Variants in GRM8 observed in about 807,000 individuals in gnomAD.
The protein encoded by GRM8 is metabotropic glutamate receptor 8.
GRM8 carries 47 observed loss-of-function variants against 87.2 expected under a neutral mutation model. The ratio of observed to expected loss-of-function variants is 0.54; its 90% CI spans 0.43 to 0.69. The LOEUF (loss-of-function observed/expected upper bound fraction) is 0.69. Among genes scored for constraint, GRM8 ranks in the 30% least tolerant of loss-of-function variants. The pLI, the probability that GRM8 is intolerant of heterozygous loss-of-function variation, is 0.00. For missense variants in GRM8, 1,019 were observed against 1,139.2 expected, an observed-to-expected ratio of 0.89 and a Z score of 1.52; for synonymous variants, 396 against 404.5, an observed-to-expected ratio of 0.98 and a Z score of 0.25.
At chr7:126,607,996 C>A (rs953257354) in intron 8 of GRM8, among the ~76,000 whole-genome samples, 2 of 151,914 alleles carry the variant, frequency 1.3e-5, no homozygotes, top group Non-Finnish European at 2.9e-5. Context: ...GAACTCTAAA[C>A]CTCGACTGAG....
intron 6 of GRM8, among the ~76,000 whole-genome samples, chr7:126,823,526 T>A (rs1450689017): frequency 6.6e-6 from 1 of 152,226 alleles, no homozygotes; most frequent in African/African-American, 2.4e-5. Flanking sequence ...AAGATAAATA[T>A]AATAGGGGCC....
intron 8 of GRM8, among the ~76,000 whole-genome samples, chr7:126,540,111 A>G (rs1399982644): frequency 5.3e-5 from 8 of 152,148 alleles, no homozygotes; most frequent in African/African-American, 1.9e-4. Context: ...TTCAACAGTT[A>G]AAAGACCAAT....
chr7:126,843,263 G>C (rs1259586642), intron 6 of GRM8, among the ~76,000 whole-genome samples: 1 of 151,966 alleles, frequency 6.6e-6, no homozygotes, highest in African/African-American at 2.4e-5. Flanking sequence ...CATGGTAGAA[G>C]CTCAATAAGG....
rs374316613 is a variant in GRM8 at position 127,243,126 on chromosome 7, T to C, written c.79A>G (p.Met27Val). 24 of 1,613,798 alleles carry C rather than the reference T, an allele frequency of 1.5e-5. No homozygotes were observed. In the African/African-American group the frequency reaches 2.1e-4, roughly 14 times the overall value. Reference sequence around the variant, plus strand: ...TCCTGGCTGTGAGTTCTTTGCATCATTGTGAGGATCCAGTAGAACTTGGCG... The same window carrying C: ...TCCTGGCTGTGAGTTCTTTGCATCACTGTGAGGATCCAGTAGAACTTGGCG... ...LTAKFYWILT[M>V]MQRTHSQEYA... Residue 27 changes from methionine to valine, a missense_variant, in exon 2 of 11, where the codon ATG becomes GTG. Met to Val is a conservative substitution (Grantham distance 21). Coordinates refer to ENST00000339582, the MANE Select transcript of GRM8 (RefSeq NM_000845.3).
intron 3 of GRM8, among the ~76,000 whole-genome samples, chr7:126,911,823 CGAT>C (rs1803330380): frequency 6.6e-6 from 1 of 152,138 alleles, no homozygotes; most frequent in Non-Finnish European, 1.5e-5. Context: ...TCAATCAGTG[CGAT>C]GATTCATTTT....
At chr7:126,867,232 G>T (rs1353856902) in intron 6 of GRM8, among the ~76,000 whole-genome samples, 1 of 152,120 alleles carries the variant, frequency 6.6e-6, no homozygotes, top group African/African-American at 2.4e-5. Flanking sequence ...AACTAAACAG[G>T]TCAGCGAGTT....
chr7:126,840,713 T>C (rs1303863048), intron 6 of GRM8, among the ~76,000 whole-genome samples: 3 of 152,206 alleles, frequency 2.0e-5, no homozygotes, highest in Non-Finnish European at 4.4e-5. Flanking sequence ...GAACTTTGTA[T>C]AAGTTTCTAA....
At chr7:127,239,071 C>G (rs573825683) in intron 2 of GRM8, among the ~76,000 whole-genome samples, 1 of 152,296 alleles carries the variant, frequency 6.6e-6, no homozygotes, top group South Asian at 2.1e-4. Context: ...ACTGGAGAGG[C>G]TGACACAGGA....
At chr7:126,448,725 T>A (rs1802291475) in intron 9 of GRM8, among the ~76,000 whole-genome samples, 1 of 151,916 alleles carries the variant, frequency 6.6e-6, no homozygotes, top group Admixed American at 6.6e-5. Flanking sequence ...CTGAAAAATT[T>A]TAATGTGAGT....
intron 6 of GRM8, among the ~76,000 whole-genome samples, chr7:126,790,268 G>T (rs1384066161): frequency 6.6e-6 from 1 of 152,090 alleles, no homozygotes; most frequent in Non-Finnish European, 1.5e-5. Flanking sequence ...TCAGCCTCCC[G>T]AAGTGCTGGA....
chr7:126,905,998 A>G (rs1802636439), intron 3 of GRM8, among the ~76,000 whole-genome samples: 1 of 152,220 alleles, frequency 6.6e-6, no homozygotes, highest in Admixed American at 6.5e-5. Context: ...TTTGTTAGAC[A>G]TGCCAAATTC....
intron 3 of GRM8, among the ~76,000 whole-genome samples, chr7:126,979,952 A>G (rs1811359582): frequency 6.6e-6 from 1 of 152,222 alleles, no homozygotes; most frequent in Non-Finnish European, 1.5e-5. Flanking sequence ...TGCCCAATAC[A>G]GTAGCCACAA....
intron 7 of GRM8, among the ~76,000 whole-genome samples, chr7:126,756,871 G>C (rs566377008): frequency 3.3e-5 from 5 of 152,104 alleles, no homozygotes; most frequent in African/African-American, 1.2e-4. Context: ...GATTAAAACT[G>C]CTCTACAAAA....
chr7:126,546,925 G>A (rs745907442), intron 8 of GRM8, among the ~76,000 whole-genome samples: 111 of 152,296 alleles, frequency 7.3e-4, no homozygotes, highest in Non-Finnish European at 1.4e-3. Flanking sequence ...ACCTGGCACA[G>A]TTGGTACTGG....
chr7:127,127,086 G>T (rs890845187), intron 2 of GRM8, among the ~76,000 whole-genome samples: 4 of 152,024 alleles, frequency 2.6e-5, no homozygotes, highest in African/African-American at 9.7e-5. Flanking sequence ...GGGCAATGAT[G>T]TGAAGCAACT....
chr7:126,900,838 GC>G (rs1436297596), intron 6 of GRM8, among the ~76,000 whole-genome samples: 2 of 151,978 alleles, frequency 1.3e-5, no homozygotes, highest in African/African-American at 4.8e-5. Flanking sequence ...GACCATGATG[GC>G]CTGTCCCCAG....
At chr7:126,946,488 G>A (rs943858527) in intron 3 of GRM8, among the ~76,000 whole-genome samples, 1 of 152,114 alleles carries the variant, frequency 6.6e-6, no homozygotes, top group African/African-American at 2.4e-5. Flanking sequence ...GGGTGACAGA[G>A]TAAAACTCAG....
At chr7:126,560,330 G>A (rs1562956108) in intron 8 of GRM8, among the ~76,000 whole-genome samples, 1 of 152,094 alleles carries the variant, frequency 6.6e-6, no homozygotes, top group Non-Finnish European at 1.5e-5. Flanking sequence ...TTATGTAATG[G>A]AAACTCAGAA....
chr7:126,838,715 T>G lies in GRM8; in HGVS notation c.1156+63827A>C, dbSNP rs147503357. Among the ~76,000 whole-genome samples, 11 of 152,282 alleles carry G rather than the reference T, an allele frequency of 7.2e-5. No homozygotes were observed. In the East Asian group the frequency reaches 1.9e-3, roughly 27 times the overall value. ...GTAGTTACTAACAAACAAAATAAAA[T>G]TAAAGACTCATACATTGTTCTCTCC... On this transcript the variant is annotated intron_variant, in intron 6 of 10. Coordinates refer to ENST00000339582, the MANE Select transcript of GRM8 (RefSeq NM_000845.3).
Sources: gnomAD v4.1 joint callset for allele counts (sites outside exome capture counted in the v4.1 genomes callset) on GRCh38, gnomAD v4.1.1 for gene constraint, MANE v1.5 for transcripts, NCBI Gene and HGNC (gene_info 2026-07-23, HGNC 2026-07-21) for gene names.